The following ZCCHC17 variants were observed in gnomAD, a reference collection of about 807,000 sequenced individuals.
ZCCHC17 encodes the protein zinc finger CCHC domain-containing protein 17.
A neutral mutation model predicts 30.6 loss-of-function variants in ZCCHC17; 18 were observed. The observed-to-expected ratio is 0.59, with a 90% confidence interval of 0.41 to 0.87. ZCCHC17 has a LOEUF of 0.87. ZCCHC17 is among the 40% of genes least tolerant of loss of function. The pLI, the probability that ZCCHC17 is intolerant of heterozygous loss-of-function variation, is 0.00. For synonymous variants in ZCCHC17, 88 were observed against 92.4 expected, an observed-to-expected ratio of 0.95 and a Z score of 0.27; for missense variants, 263 against 284.2, an observed-to-expected ratio of 0.93 and a Z score of 0.54.
At chr1:31,341,258 T>A (rs920023520) in intron 5 of ZCCHC17, among the ~76,000 whole-genome samples, 1 of 152,220 alleles carries the variant, frequency 6.6e-6, no homozygotes, top group African/African-American at 2.4e-5. Flanking sequence ...TAGGAATCTT[T>A]TATAACTCAG....
At chr1:31,325,742 A>G (rs1638314113) in intron 3 of ZCCHC17, among the ~76,000 whole-genome samples, 1 of 152,230 alleles carries the variant, frequency 6.6e-6, no homozygotes, top group Non-Finnish European at 1.5e-5. Context: ...GCAAAGCTGA[A>G]TGCAGCCTGC....
chr1:31,302,193 C>T (rs1029800549), intron 1 of ZCCHC17, among the ~76,000 whole-genome samples: 37 of 152,012 alleles, frequency 2.4e-4, no homozygotes, highest in African/African-American at 8.4e-4. Context: ...GCACCACTGC[C>T]CTCCAGCCTG....
chr1:31,305,318 C>T (rs1346350584), intron 1 of ZCCHC17, among the ~76,000 whole-genome samples: 1 of 151,226 alleles, frequency 6.6e-6, no homozygotes, highest in Non-Finnish European at 1.5e-5. Context: ...TTCATTTTGT[C>T]TTCTAGGCTG....
intron 2 of ZCCHC17, among the ~76,000 whole-genome samples, chr1:31,312,166 T>A (rs1009122548): frequency 6.6e-6 from 1 of 152,202 alleles, no homozygotes; most frequent in Non-Finnish European, 1.5e-5. Flanking sequence ...CTCTTCCTTT[T>A]AACTACCCAC....
At chr1:31,341,131 C>T (rs1400230466) in intron 5 of ZCCHC17, among the ~76,000 whole-genome samples, 5 of 152,200 alleles carry the variant, frequency 3.3e-5, no homozygotes, top group African/African-American at 7.2e-5. Flanking sequence ...CTTTTCACCA[C>T]AAAATGCTTC....
chr1:31,347,508 A>G (rs1258637034), intron 6 of ZCCHC17, among the ~76,000 whole-genome samples: 1 of 152,230 alleles, frequency 6.6e-6, no homozygotes. Context: ...GAGAGAAAGA[A>G]TACCTCCTCA....
chr1:31,310,749 C>T (rs1425607484), intron 2 of ZCCHC17, among the ~76,000 whole-genome samples: 1 of 152,220 alleles, frequency 6.6e-6, no homozygotes, highest in Non-Finnish European at 1.5e-5. Flanking sequence ...GTTAAAGTAA[C>T]ACAGAACATA....
intron 1 of ZCCHC17, among the ~76,000 whole-genome samples, chr1:31,307,010 G>A (rs1646477769): frequency 6.6e-6 from 1 of 151,938 alleles, no homozygotes; most frequent in African/African-American, 2.4e-5. Context: ...GCTAATTTTT[G>A]TATTTTTAGT....
rs1211024107 is a variant in ZCCHC17, at chr1:31,340,975, A to T, written c.317+1927A>T. Among the ~76,000 whole-genome samples the T allele has an allele frequency of 2.6e-5, 4 of 152,336 alleles. No homozygotes were observed. In the East Asian group the frequency reaches 7.7e-4, roughly 29 times the overall value. On this transcript the variant is annotated intron_variant, in intron 5 of 7. Transcript: ENST00000344147. ...TTTTATGTACATTCTTGGGTACATA[A>T]CAACCTGCAAAGTGGATGTTATCTC...
intron 1 of ZCCHC17, among the ~76,000 whole-genome samples, chr1:31,302,431 T>C (rs1646339487): frequency 6.6e-6 from 1 of 152,094 alleles, no homozygotes; most frequent in Non-Finnish European, 1.5e-5. Context: ...GAACACAAAA[T>C]CAAATGAGAA....
chr1:31,323,877 C>T (rs1646920415), intron 3 of ZCCHC17, among the ~76,000 whole-genome samples: 1 of 152,150 alleles, frequency 6.6e-6, no homozygotes, highest in Non-Finnish European at 1.5e-5. Flanking sequence ...GTGCTTATTA[C>T]CCTTTAATCC....
chr1:31,357,572 T>TG (rs1639689388), intron 7 of ZCCHC17, among the ~76,000 whole-genome samples: 1 of 152,198 alleles, frequency 6.6e-6, no homozygotes, highest in Non-Finnish European at 1.5e-5. Context: ...TAGATTCTAA[T>TG]GGATGGGGTC....
chr1:31,358,391 TTA>T (rs1169309709), intron 7 of ZCCHC17, among the ~76,000 whole-genome samples: 3 of 152,182 alleles, frequency 2.0e-5, no homozygotes, highest in African/African-American at 7.2e-5. Flanking sequence ...TTTAAGAGAA[TTA>T]TTCTGGCTGC....
intron 6 of ZCCHC17, among the ~76,000 whole-genome samples, chr1:31,347,362 C>T (rs1054757883): frequency 6.6e-6 from 1 of 152,192 alleles, no homozygotes; most frequent in Non-Finnish European, 1.5e-5. Flanking sequence ...GTCACCCCTT[C>T]TCCCTAGTCT....
intron 1 of ZCCHC17, among the ~76,000 whole-genome samples, chr1:31,309,205 A>G (rs6696341): frequency 0.4 from 60,646 of 151,926 alleles, 15,289 homozygotes; most frequent in Non-Finnish European, 0.57. Flanking sequence ...AGCCAGTTTG[A>G]CTCCCCATTT....
intron 5 of ZCCHC17, among the ~76,000 whole-genome samples, chr1:31,343,835 A>T (rs1639138596): frequency 6.9e-6 from 1 of 143,888 alleles, no homozygotes; most frequent in African/African-American, 2.6e-5. Flanking sequence ...CCATGCCAGC[A>T]TGCCCCACTA....
chr1:31,315,197 G>A (rs764981080), intron 2 of ZCCHC17, among the ~76,000 whole-genome samples: 1 of 152,014 alleles, frequency 6.6e-6, no homozygotes, highest in Non-Finnish European at 1.5e-5. Context: ...AAATGACTGG[G>A]CATCCCTTTT....
At chr1:31,328,921 A>C (rs1383786657) in intron 3 of ZCCHC17, among the ~76,000 whole-genome samples, 1 of 152,114 alleles carries the variant, frequency 6.6e-6, no homozygotes, top group African/African-American at 2.4e-5. Flanking sequence ...AGTTCCAGCT[A>C]CTTGGGAGAC....
At chr1:31,334,746 A>G (rs1446586955) in intron 3 of ZCCHC17, among the ~76,000 whole-genome samples, 5 of 152,164 alleles carry the variant, frequency 3.3e-5, no homozygotes, top group African/African-American at 9.6e-5. Context: ...CTCAATAACT[A>G]TTTACTAAAG....
Sources: gnomAD v4.1 joint callset for allele counts (sites outside exome capture counted in the v4.1 genomes callset) on GRCh38, gnomAD v4.1.1 for gene constraint, MANE v1.5 for transcripts, NCBI Gene and HGNC (gene_info 2026-07-23, HGNC 2026-07-21) for gene names.